Variants in ADH6 observed in about 807,000 individuals in gnomAD.
ADH6 encodes the protein alcohol dehydrogenase 6.
Under a neutral mutation model 36.5 loss-of-function variants are expected in ADH6, and 34 were observed. That is an observed-to-expected ratio of 0.93 (90% CI 0.71 to 1.24). The LOEUF is 1.24. ADH6 is among the 50% of genes most tolerant of loss of function. The pLI is 0.00. For missense variants in ADH6, 440 were observed against 447.0 expected (o/e 0.98, Z 0.14); for synonymous variants, 161 against 155.5 (o/e 1.04, Z -0.26).
intron 7 of ADH6, 120 bp from the exon 8 acceptor site, chr4:99,205,183 A>G: frequency 9.2e-7 from 1 of 1,091,618 alleles, no homozygotes; most frequent in South Asian, 1.8e-5. Context: ...TGTCCCGTTT[A>G]CTTGCCTCAA....
Position 99,204,670 on chromosome 4 carries a change from A to C in ADH6, c.1103+255T>G, listed in dbSNP as rs1365490811. On this transcript the variant is annotated intron_variant, in intron 8 of 8. Coordinates refer to ENST00000394899, the MANE Select transcript of ADH6 (RefSeq NM_001102470.2). ...AATATGTCATGTAAAAAAAAAATCCATATTGGAAATACAATGCTAATGGCA... is the reference window on the plus strand; with the variant it reads ...AATATGTCATGTAAAAAAAAAATCCCTATTGGAAATACAATGCTAATGGCA... 2.5e-6 allele frequency: 3 copies of C among 1,209,076 alleles called. No homozygotes were observed. In the African/African-American group the frequency reaches 4.7e-5, roughly 19 times the overall value. The allele number at this position is 1,209,076 out of a possible 1,614,324, so 74.9% of individuals were successfully genotyped here. A position where few individuals can be genotyped will look rare whatever the true frequency, so the allele number is the denominator to read the frequency against.
intron 7 of ADH6, among the ~76,000 whole-genome samples, chr4:99,205,517 A>G (rs565506048): frequency 1.3e-5 from 2 of 152,160 alleles, no homozygotes; most frequent in East Asian, 3.9e-4. Context: ...GAAAAGAAGA[A>G]CTCTCACTGT....
rs1290395796 is a variant in ADH6 at position 99,208,833 on chromosome 4, A to G, written c.663T>C (p.Ile221=). The G allele has an allele frequency of 6.2e-7, 1 of 1,613,792 alleles. No individual in the cohort carries two copies. The highest frequency in any genetic ancestry group is 1.1e-5 in the South Asian group (1 of 91,082). The change falls in exon 6 of 9, where the codon ATT becomes ATC. Residue 221 remains isoleucine, a synonymous_variant. Coordinates refer to ENST00000394899, the MANE Select transcript of ADH6 (RefSeq NM_001102470.2). Reference sequence around the variant, plus strand: ...ATTTCTCCTTGTTGACATCCACTCCAATGATCCTGGCTGCTCCTGCTGCTT... The same window carrying G: ...ATTTCTCCTTGTTGACATCCACTCCGATGATCCTGGCTGCTCCTGCTGCTT... ...GCKAAGAARI[I]GVDVNKEKFK...
chr4:99,205,956 G>A (rs538851211), intron 7 of ADH6, among the ~76,000 whole-genome samples: 2 of 152,162 alleles, frequency 1.3e-5, no homozygotes, highest in African/African-American at 4.8e-5. Flanking sequence ...TTTAATTTAA[G>A]TTTGTTTCTG....
At chr4:99,213,883 C>T in intron 2 of ADH6, 136 bp from the exon 3 acceptor site, 1 of 705,396 alleles carries the variant, frequency 1.4e-6, no homozygotes, top group African/African-American at 1.8e-5. Context: ...AGTTTTAATT[C>T]TAGGGAAGGG....
In ADH6 at chr4:99,208,650, C is replaced by G; in HGVS notation, c.828+18G>C. ...CTGGTAAAAGTATTGGTAATTTTCA[C>G]TCCAGAGGATTACATACCAGAACGT... On this transcript the variant is annotated intron_variant, in intron 6 of 8. Transcript: ENST00000394899. The G allele has an allele frequency of 6.2e-7, 1 of 1,602,758 alleles. No homozygotes were observed. Among genetic ancestry groups the G allele is most frequent in the Non-Finnish European group, 8.5e-7 (1 of 1,174,384 alleles).
Position 99,209,367 on chromosome 4 carries a change from G to T in ADH6, c.568-439C>A, listed in dbSNP as rs17028732. On this transcript the variant is annotated intron_variant, in intron 5 of 8. Coordinates refer to ENST00000394899, the MANE Select transcript of ADH6 (RefSeq NM_001102470.2). ...GGGTCAATACCTTGTGAAGGCAAAG[G>T]CTTTTTTTTTATTGAGTACTGTCCT... 1.1e-4 allele frequency among the ~76,000 whole-genome samples: 17 copies of T among 151,650 alleles called. No individual in the cohort carries two copies. The South Asian group carries it at 2.1e-3, about 19-fold the overall frequency.
chr4:99,216,104 T>C (rs992586146), intron 2 of ADH6, 57 bp downstream of exon 2: 43 of 1,004,142 alleles, frequency 4.3e-5, no homozygotes, highest in African/African-American at 6.7e-5. Flanking sequence ...TAACTTACAG[T>C]AAGAAGCTCT....
At chr4:99,214,628 G>T (rs1731338714) in intron 2 of ADH6, among the ~76,000 whole-genome samples, 1 of 152,158 alleles carries the variant, frequency 6.6e-6, no homozygotes, top group African/African-American at 2.4e-5. Flanking sequence ...TCTCAGCTGT[G>T]TGAACTTGGG....
At position 99,208,691 on chromosome 4, in the gene ADH6, C is replaced by T; in HGVS notation, c.805G>A (p.Ala269Thr). 2 of 1,613,372 alleles carry T rather than the reference C, an allele frequency of 1.2e-6. No homozygotes were observed. The highest frequency in any genetic ancestry group is 1.7e-6 in the Non-Finnish European group (2 of 1,179,602). The change falls in exon 6 of 9, where the codon GCC becomes ACC. Residue 269 changes from alanine to threonine, a missense_variant. By Grantham distance (58) the Ala-to-Thr change is moderately conservative. Transcript: ENST00000394899. Reference protein sequence around the residue: ...TDAGIDFCFEAIGNLDVLAAA... With the variant: ...TDAGIDFCFETIGNLDVLAAA... ...ACCAGAACGTCCAGATTTCCAATGGCCTCAAAGCAGAAGTCTATACCAGCA... is the reference window on the plus strand; with the variant it reads ...ACCAGAACGTCCAGATTTCCAATGGTCTCAAAGCAGAAGTCTATACCAGCA...
In ADH6 at chr4:99,204,913, T is replaced by C. The variant is rs1730964370; in HGVS notation, c.1103+12A>G. 6.3e-7 allele frequency: 1 copy of C among 1,599,950 alleles called. No individual in the cohort carries two copies. The highest frequency in any genetic ancestry group is 8.5e-7 in the Non-Finnish European group (1 of 1,173,662). ...CAAACACACAGACATAAAATTTATGTGGGCAGTTTACCATTTTCCAGTTTT... is the reference window on the plus strand; with the variant it reads ...CAAACACACAGACATAAAATTTATGCGGGCAGTTTACCATTTTCCAGTTTT... On this transcript the variant is annotated intron_variant, in intron 8 of 8. Coordinates refer to ENST00000394899, the MANE Select transcript of ADH6 (RefSeq NM_001102470.2).
chr4:99,207,934 G>A (rs544942222), intron 6 of ADH6, among the ~76,000 whole-genome samples: 1 of 152,184 alleles, frequency 6.6e-6, no homozygotes, highest in African/African-American at 2.4e-5. Context: ...CATCTAAGAA[G>A]ACAGATATTT....
chr4:99,211,626 A>C (rs1731228191), intron 3 of ADH6, among the ~76,000 whole-genome samples: 1 of 152,174 alleles, frequency 6.6e-6, no homozygotes, highest in Non-Finnish European at 1.5e-5. Flanking sequence ...CTGTAGATGT[A>C]ACTAAGTTCA....
rs1198213821 is a variant in ADH6, at chr4:99,202,740, C to T, written c.*1479G>A. 2.5e-6 allele frequency: 1 copy of T among 398,054 alleles called. No homozygotes were observed. The highest frequency in any genetic ancestry group is 4.4e-6 in the Non-Finnish European group (1 of 225,776). 24.7% of individuals were successfully genotyped at this position (398,054 alleles called of 1,614,324 possible). On this transcript the variant is annotated 3_prime_UTR_variant, in exon 9 of 9. Transcript: ENST00000394899. ...GATTTCCCAAGACCCGAAGACTCCT[C>T]CAAGTTCTCACTGTTAGTAAGGTCA...
chr4:99,208,779 A>G lies in ADH6; in HGVS notation c.717T>C (p.Thr239=), dbSNP rs747340790. The change falls in exon 6 of 9, where the codon ACT becomes ACC. Residue 239 remains threonine, a synonymous_variant. Transcript: ENST00000394899. ...KFKKAQELGA[T]ECLNPQDLKK... ...TTAAGTCCTGAGGGTTGAGGCACTC[A>G]GTAGCACCCAATTCCTGTGCCTTCT... 3 of 1,613,858 alleles carry G rather than the reference A, an allele frequency of 1.9e-6. No individual in the cohort carries two copies. In the Admixed American group the frequency reaches 5.0e-5, roughly 27 times the overall value.
intron 2 of ADH6, among the ~76,000 whole-genome samples, chr4:99,214,534 T>A (rs988196037): frequency 6.6e-6 from 1 of 152,236 alleles, no homozygotes; most frequent in Non-Finnish European, 1.5e-5. Flanking sequence ...TCCCACTTTA[T>A]TGTAAGTTAG....
rs762512110 is a variant in ADH6, at chr4:99,210,245, C to G, written c.404G>C (p.Gly135Ala). The change falls in exon 5 of 9, where the codon GGA (glycine) becomes GCA (alanine). Residue 135 changes from glycine (G) to alanine (A), a missense_variant. By Grantham distance (60) the Gly-to-Ala change is moderately conservative. Coordinates refer to ENST00000394899, the MANE Select transcript of ADH6 (RefSeq NM_001102470.2). ...SDGTSRFTCK[G>A]KSIYHFGNTS... ...ATTACCAAAGTGATATATTGATTTT[C>G]CCTTGCAGGTAAACCTGCTGGTACC... 2 of 1,613,750 alleles carry G rather than the reference C, an allele frequency of 1.2e-6. No homozygotes were observed. The highest frequency in any genetic ancestry group is 2.2e-5 in the South Asian group (2 of 91,080).
In ADH6 at chr4:99,219,181, A is replaced by G; in HGVS notation, c.-29T>C. The stretch of plus-strand genomic sequence containing the variant: ...GATTTTCTCCACCGCAGATGAATTT[A>G]TTGAGAAAGGGAGATCCTGTAGCAA... On this transcript the variant is annotated 5_prime_UTR_variant, in exon 1 of 9. Transcript: ENST00000394899. The G allele has an allele frequency of 6.2e-7, 1 of 1,606,366 alleles. No individual in the cohort carries two copies. Among genetic ancestry groups the G allele is most frequent in the Non-Finnish European group, 8.5e-7 (1 of 1,173,168 alleles).
intron 2 of ADH6, among the ~76,000 whole-genome samples, chr4:99,214,314 C>T (rs1731326372): frequency 6.6e-6 from 1 of 152,184 alleles, no homozygotes; most frequent in South Asian, 2.1e-4. Context: ...ATCACTTGAG[C>T]CCAGTAGTTC....
Sources: gnomAD v4.1 joint callset for allele counts (sites outside exome capture counted in the v4.1 genomes callset) on GRCh38, gnomAD v4.1.1 for gene constraint, MANE v1.5 for transcripts, NCBI Gene and HGNC (gene_info 2026-07-23, HGNC 2026-07-21) for gene names.